The following HSPD1 variants were observed in gnomAD, a reference collection of about 807,000 sequenced individuals.
HSPD1 encodes the protein 60 kDa heat shock protein, mitochondrial.
HSPD1 carries 3 observed loss-of-function variants against 53.0 expected under a neutral mutation model. That is an observed-to-expected ratio of 0.06 (90% CI 0.03 to 0.15). HSPD1 has a LOEUF of 0.15. HSPD1 is among the 10% of genes least tolerant of loss of function. The pLI is 1.00. For missense variants in HSPD1, 431 were observed against 694.1 expected, an observed-to-expected ratio of 0.62 and a Z score of 4.26; for synonymous variants, 200 against 228.0, an observed-to-expected ratio of 0.88 and a Z score of 1.10.
chr2:197,498,978 C>G, intron 1 of HSPD1, 128 bp from the exon 2 acceptor site: 1 of 852,848 alleles, frequency 1.2e-6, no homozygotes, highest in Non-Finnish European at 2.0e-6. Flanking sequence ...CCAGCCACTA[C>G]GCCTGAATGA....
At chr2:197,497,095 G>T in intron 3 of HSPD1, 45 bp downstream of exon 3, 1 of 1,592,322 alleles carries the variant, frequency 6.3e-7, no homozygotes, top group Non-Finnish European at 8.6e-7. Flanking sequence ...ATGCCTTAAA[G>T]CACACTGAAG....
At position 197,498,773 on chromosome 2, in the gene HSPD1, A is replaced by G; in HGVS notation, c.76T>C (p.Tyr26His). 2 of 1,614,220 alleles carry G rather than the reference A, an allele frequency of 1.2e-6. No individual in the cohort carries two copies. Among genetic ancestry groups the G allele is most frequent in the Non-Finnish European group, 1.7e-6 (2 of 1,180,022 alleles). Residue 26 changes from tyrosine (Y) to histidine (H), a missense_variant, in exon 2 of 12, where the codon TAT (tyrosine) becomes CAT (histidine). By Grantham distance (83) the Tyr-to-His change is moderately conservative. Transcript: ENST00000388968. The stretch of plus-strand genomic sequence containing the variant: ...GCACCAAATTTTACATCTTTGGCAT[A>G]AGCCCGAGTGAGATGAGGAGCCAGT... Reference protein sequence around the residue: ...RVLAPHLTRAYAKDVKFGADA... With the variant: ...RVLAPHLTRAHAKDVKFGADA...
At chr2:197,489,792 T>C (rs560297181) in intron 8 of HSPD1, among the ~76,000 whole-genome samples, 6 of 151,632 alleles carry the variant, frequency 4.0e-5, no homozygotes, top group African/African-American at 7.3e-5. Context: ...AAGGTGGAGG[T>C]TGCAGTAAGC....
intron 1 of HSPD1, chr2:197,499,429 T>A (rs2086210112): frequency 6.4e-6 from 1 of 155,180 alleles, no homozygotes; most frequent in Admixed American, 6.3e-5. Flanking sequence ...AGGCGCGGTA[T>A]CCCAGCTGCC....
intron 7 of HSPD1, among the ~76,000 whole-genome samples, chr2:197,492,551 T>C (rs1293858106): frequency 6.6e-6 from 1 of 151,668 alleles, no homozygotes; most frequent in Non-Finnish European, 1.5e-5. Flanking sequence ...ATTCTGAAAA[T>C]TTACATATTT....
rs1233048335 is a variant in HSPD1, at chr2:197,493,469, C to T, written c.724G>A (p.Ala242Thr). 1.2e-6 allele frequency: 2 copies of T among 1,611,950 alleles called. No homozygotes were observed. The highest frequency in any genetic ancestry group is 8.5e-7 in the Non-Finnish European group (1 of 1,178,034). Residue 242 changes from alanine (A) to threonine (T), a missense_variant, in exon 7 of 12, where the codon GCC (alanine) becomes ACC (threonine). By Grantham distance (58) the Ala-to-Thr change is moderately conservative. Transcript: ENST00000388968. ...SKGQKCEFQD[A>T]YVLLSEKKIS... Reference sequence around the variant, plus strand: ...TTCTTTTCACTCAACAGAACATAGGCATCCTGGAATTCACATTTCTGACCT... The same window carrying T: ...TTCTTTTCACTCAACAGAACATAGGTATCCTGGAATTCACATTTCTGACCT...
At position 197,494,349 on chromosome 2, in the gene HSPD1, G is replaced by C. The variant is rs1040402954; in HGVS notation, c.607-99C>G. On this transcript the variant is annotated intron_variant, in intron 5 of 11. Coordinates refer to ENST00000388968, the MANE Select transcript of HSPD1 (RefSeq NM_002156.5). ...AAAACAGACCCCTCTGGCCATAAGA[G>C]ATGCAGGGTAGAGTATGAAACAGCC... The C allele has an allele frequency of 1.5e-5, 11 of 746,654 alleles. No homozygotes were observed. In the Admixed American group the frequency reaches 1.6e-4, roughly 11 times the overall value. The allele number at this position is 746,654 out of a possible 1,614,324, so 46.3% of individuals were successfully genotyped here. A position where few individuals can be genotyped will look rare whatever the true frequency, so the allele number is the denominator to read the frequency against.
chr2:197,495,163 A>G (rs1017390167), intron 4 of HSPD1, 131 bp downstream of exon 4: 2 of 682,216 alleles, frequency 2.9e-6, no homozygotes, highest in Admixed American at 2.3e-5. Flanking sequence ...TTTTAGCAGT[A>G]AGAAACAATG....
chr2:197,489,315 T>C (rs1038458497), intron 8 of HSPD1, 68 bp from the exon 9 acceptor site: 1 of 1,458,904 alleles, frequency 6.9e-7, no homozygotes, highest in Non-Finnish European at 9.6e-7. Context: ...AGTTTATTAA[T>C]ACACCATGCA....
In HSPD1 at chr2:197,486,598, A is replaced by T. The variant is rs2086028111; in HGVS notation, c.*448T>A. 5.3e-6 allele frequency: 1 copy of T among 188,172 alleles called. No individual in the cohort carries two copies. 11.7% of individuals were successfully genotyped at this position (188,172 alleles called of 1,614,324 possible). ...TAACACAATTATTAACTTTAAACAA[A>T]TTTTTATTACACAAAGGTTGTCACA... On this transcript the variant is annotated 3_prime_UTR_variant, in exon 12 of 12. Transcript: ENST00000388968.
intron 8 of HSPD1, among the ~76,000 whole-genome samples, 171 bp from the exon 9 acceptor site, chr2:197,489,418 G>C (rs751207405): frequency 9.9e-5 from 15 of 152,082 alleles, no homozygotes; most frequent in African/African-American, 3.1e-4. Flanking sequence ...CTCTTTCACT[G>C]CATTTCCAAA....
intron 2 of HSPD1, 145 bp from the exon 3 acceptor site, chr2:197,497,537 A>C: frequency 2.6e-6 from 2 of 769,910 alleles, no homozygotes; most frequent in South Asian, 1.6e-5. Flanking sequence ...CATGAACCTC[A>C]AGGGCAAGTT....
At chr2:197,494,892 A>T (rs1034939177) in intron 4 of HSPD1, 140 bp from the exon 5 acceptor site, 49 of 701,988 alleles carry the variant, frequency 7.0e-5, no homozygotes, top group Middle Eastern at 2.3e-4. Context: ...GGTAGTTTTC[A>T]TGAAGTACTG....
At chr2:197,499,411 A>C (rs535071258) in intron 1 of HSPD1, 1 of 158,884 alleles carries the variant, frequency 6.3e-6, no homozygotes, top group East Asian at 1.9e-4. Context: ...CAGCAAGGTC[A>C]AGACTGGAGG....
intron 1 of HSPD1, chr2:197,499,070 C>G (rs1457035790): frequency 1.2e-5 from 7 of 601,848 alleles, no homozygotes; most frequent in Non-Finnish European, 2.1e-5. Context: ...CCTATAGCAC[C>G]AGCACAAAGC....
chr2:197,490,686 C>A, intron 7 of HSPD1: 1 of 250,606 alleles, frequency 4.0e-6, no homozygotes, highest in South Asian at 4.9e-5. Flanking sequence ...AAAAATCAGC[C>A]AAATGTGGTA....
At chr2:197,493,514 C>A (rs780776422) in intron 6 of HSPD1, 22 bp from the exon 7 acceptor site, 3 of 1,540,646 alleles carry the variant, frequency 1.9e-6, no homozygotes, top group Non-Finnish European at 2.7e-6. Flanking sequence ...ATGAAGATTT[C>A]AAAAATATAC....
intron 10 of HSPD1, 106 bp from the exon 11 acceptor site, chr2:197,488,142 G>A: frequency 2.0e-6 from 2 of 1,002,164 alleles, no homozygotes; most frequent in East Asian, 2.6e-5. Flanking sequence ...TCCTACTACA[G>A]ATCAAATCAT....
upstream of HSPD1, chr2:197,500,065 C>G (rs570654765): frequency 7.8e-6 from 2 of 257,592 alleles, no homozygotes; most frequent in South Asian, 1.2e-4. Context: ...GGGCCTCGCT[C>G]GGTTCCAGAA....
Sources: gnomAD v4.1 joint callset for allele counts (sites outside exome capture counted in the v4.1 genomes callset) on GRCh38, gnomAD v4.1.1 for gene constraint, MANE v1.5 for transcripts, NCBI Gene and HGNC (gene_info 2026-07-23, HGNC 2026-07-21) for gene names.